Variants in FCER1A observed in about 807,000 individuals in gnomAD.
FCER1A encodes the protein Fc epsilon receptor Ia, also known as high affinity immunoglobulin epsilon receptor subunit alpha.
Under a neutral mutation model 23.6 loss-of-function variants are expected in FCER1A, and 24 were observed. The observed-to-expected ratio is 1.02, with a 90% CI of 0.74 to 1.43. The LOEUF (loss-of-function observed/expected upper bound fraction) is 1.43. Among genes scored for constraint, FCER1A ranks in the 40% most tolerant of loss-of-function variants. The probability of loss-of-function intolerance (pLI) is 0.00; values close to 1 mark genes in which losing one functional copy is unlikely to be tolerated. For synonymous variants in FCER1A, 121 were observed against 108.8 expected, an observed-to-expected ratio of 1.11 and a Z score of -0.70; for missense variants, 318 against 294.5, an observed-to-expected ratio of 1.08 and a Z score of -0.58.
intron 1 of FCER1A, among the ~76,000 whole-genome samples, chr1:159,295,682 C>T (rs1453204677): frequency 5.3e-5 from 8 of 152,086 alleles, no homozygotes; most frequent in Non-Finnish European, 1.0e-4. Context: ...TTGGAAGAGA[C>T]AAAGGAAAAA....
chr1:159,286,191 A>AAAATAAATAAAT (rs541712574), upstream of FCER1A, among the ~76,000 whole-genome samples: 1 of 151,280 alleles, frequency 6.6e-6, no homozygotes, highest in Admixed American at 6.6e-5. Flanking sequence ...CCCTGCCACC[A>AAAATAAATAAAT]AAATAAATAA....
intron 1 of FCER1A, among the ~76,000 whole-genome samples, chr1:159,295,531 C>G (rs1311293904): frequency 6.6e-6 from 1 of 152,106 alleles, no homozygotes; most frequent in African/African-American, 2.4e-5. Context: ...AAACACTATT[C>G]TACGGGAATG....
chr1:159,304,604 C>T (rs1298504708), intron 3 of FCER1A, among the ~76,000 whole-genome samples: 1 of 152,030 alleles, frequency 6.6e-6, no homozygotes, highest in Non-Finnish European at 1.5e-5. Context: ...AAGACTCCGT[C>T]TCAAAAAATA....
At position 159,306,241 on chromosome 1, in the gene FCER1A, A is replaced by C; in HGVS notation, c.585A>C (p.Ile195=). 2 of 1,612,912 alleles carry C rather than the reference A, an allele frequency of 1.2e-6. No individual in the cohort carries two copies. The highest frequency in any genetic ancestry group is 1.7e-6 in the Non-Finnish European group (2 of 1,179,314). ...YESEPLNITV[I]KAPREKYWLQ... is the part of the protein sequence containing the mutation. Reference sequence around the variant, plus strand: ...CTGAGCCCCTCAACATTACTGTAATAAAAGGTGAGTTGGTAAAGGAAAGGA... The same window carrying C: ...CTGAGCCCCTCAACATTACTGTAATCAAAGGTGAGTTGGTAAAGGAAAGGA... The change falls in exon 4 of 5, where the codon ATA becomes ATC. Residue 195 remains isoleucine, a synonymous_variant. Coordinates refer to ENST00000693622, the MANE Select transcript of FCER1A (RefSeq NM_001387280.1).
Position 159,307,772 on chromosome 1 carries a change from A to G in FCER1A, c.614A>G (p.Gln205Arg), listed in dbSNP as rs1407415173. The change falls in exon 5 of 5, where the codon CAA (glutamine) becomes CGA (arginine). Residue 205 changes from glutamine to arginine, a missense_variant. Physicochemically the swap from Gln to Arg is conservative, Grantham distance 43 (BLOSUM62 1). Coordinates refer to ENST00000693622, the MANE Select transcript of FCER1A (RefSeq NM_001387280.1). ...IKAPREKYWL[Q>R]FFIPLLVVIL... ...GCTCCGCGTGAGAAGTACTGGCTACAATTTTTTATCCCATTGTTGGTGGTG... is the reference window on the plus strand; with the variant it reads ...GCTCCGCGTGAGAAGTACTGGCTACGATTTTTTATCCCATTGTTGGTGGTG... 6.2e-7 allele frequency: 1 copy of G among 1,611,246 alleles called. No individual in the cohort carries two copies. The highest frequency in any genetic ancestry group is 1.7e-5 in the Admixed American group (1 of 59,998).
intron 1 of FCER1A, among the ~76,000 whole-genome samples, chr1:159,295,698 G>T (rs901992393): frequency 6.6e-6 from 1 of 152,166 alleles, no homozygotes; most frequent in African/African-American, 2.4e-5. Context: ...AAAAAGCTGT[G>T]ATGAATATCA....
chr1:159,302,867 GT>G lies in FCER1A; in HGVS notation c.71del (p.Leu24Ter). 1 of 1,613,878 alleles carries G rather than the reference GT, an allele frequency of 6.2e-7. No individual in the cohort carries two copies. The highest frequency in any genetic ancestry group is 1.1e-5 in the South Asian group (1 of 91,068). ...GGACTTTTGCAGCTCCAGATGGCGT[GT>G]TAGCAGGTGAGTCCTCTGTTCTTGT... The part of the protein sequence containing the change: ...ALLFFAPDGV[L>X]AVPQKPKVSL... On this transcript the variant is annotated frameshift_variant, in exon 2 of 5. Transcript: ENST00000693622. LOFTEE classifies it high-confidence loss of function.
intron 1 of FCER1A, among the ~76,000 whole-genome samples, chr1:159,294,518 T>C (rs1652245695): frequency 6.6e-6 from 1 of 152,192 alleles, no homozygotes; most frequent in Non-Finnish European, 1.5e-5. Flanking sequence ...TGGAGCAACA[T>C]TATTTACTTT....
At chr1:159,307,458 A>G (rs1185067241) in intron 4 of FCER1A, among the ~76,000 whole-genome samples, 1 of 152,068 alleles carries the variant, frequency 6.6e-6, no homozygotes, top group Non-Finnish European at 1.5e-5. Context: ...TGGTCTTGTC[A>G]TTTCGAATAA....
chr1:159,305,913 G>A (rs1018027777), intron 3 of FCER1A, 75 bp from the exon 4 acceptor site: 51 of 1,329,662 alleles, frequency 3.8e-5, no homozygotes, highest in East Asian at 1.2e-4. Context: ...TGCTCTATGC[G>A]TGGCTCTCTT....
upstream of FCER1A, among the ~76,000 whole-genome samples, chr1:159,301,827 A>C (rs1652437862): frequency 6.6e-6 from 1 of 152,248 alleles, no homozygotes; most frequent in South Asian, 2.1e-4. Context: ...CAAATTAGTT[A>C]TTTAATAGTT....
intron 2 of FCER1A, among the ~76,000 whole-genome samples, chr1:159,303,251 G>C (rs2427828): frequency 6.6e-6 from 1 of 151,926 alleles, no homozygotes; most frequent in Non-Finnish European, 1.5e-5. Context: ...GGATTTCAAC[G>C]TAAGTTCCTT....
chr1:159,294,523 T>C (rs138146420), intron 1 of FCER1A, among the ~76,000 whole-genome samples: 1 of 152,202 alleles, frequency 6.6e-6, no homozygotes, highest in Non-Finnish European at 1.5e-5. Flanking sequence ...CAACATTATT[T>C]ACTTTTTACA....
At chr1:159,297,434 C>T (rs1327130541), upstream of FCER1A, among the ~76,000 whole-genome samples, 6 of 152,208 alleles carry the variant, frequency 3.9e-5, no homozygotes, top group African/African-American at 1.4e-4. Flanking sequence ...GCTCTCAAGT[C>T]TAACCAAAGG....
At chr1:159,297,079 C>T (rs1033110798) in intron 1 of FCER1A, among the ~76,000 whole-genome samples, 4 of 152,116 alleles carry the variant, frequency 2.6e-5, no homozygotes, top group African/African-American at 7.2e-5. Context: ...TTTCTCTTTC[C>T]GTTTTGAAAC....
At chr1:159,303,009 TC>T in intron 2 of FCER1A, 135 bp downstream of exon 2, 1 of 847,950 alleles carries the variant, frequency 1.2e-6, no homozygotes, top group South Asian at 1.4e-5. Flanking sequence ...ACTTTCCCTC[TC>T]CACCTTGCCT....
upstream of FCER1A, among the ~76,000 whole-genome samples, chr1:159,289,403 C>A (rs1652092035): frequency 6.6e-6 from 1 of 152,148 alleles, no homozygotes; most frequent in Admixed American, 6.5e-5. Flanking sequence ...AGATGTTGGG[C>A]CTGCAGAGGA....
Position 159,307,863 on chromosome 1 carries a change from G to A in FCER1A, c.705G>A (p.Lys235=), listed in dbSNP as rs748787041. 6.2e-7 allele frequency: 1 copy of A among 1,613,366 alleles called. No individual in the cohort carries two copies. Among genetic ancestry groups the A allele is most frequent in the Non-Finnish European group, 8.5e-7 (1 of 1,179,396 alleles). Residue 235 remains lysine (K), a synonymous_variant, in exon 5 of 5, where the codon AAG becomes AAA. Coordinates refer to ENST00000693622, the MANE Select transcript of FCER1A (RefSeq NM_001387280.1). ...AGCAGCAGGTCACATTTCTCTTGAAGATTAAGAGAACCAGGAAAGGCTTCA... is the reference window on the plus strand; with the variant it reads ...AGCAGCAGGTCACATTTCTCTTGAAAATTAAGAGAACCAGGAAAGGCTTCA... ...STQQQVTFLL[K]IKRTRKGFRL...
In FCER1A at chr1:159,306,004, GGCCTCTGCTGAGGTGGTGATGGAGGGCCA is replaced by G. The variant is rs763471705; in HGVS notation, c.352_380del (p.Ser118ProfsTer20). 1.8e-5 allele frequency: 29 copies of G among 1,613,752 alleles called. 1 individual carries two copies. In the South Asian group the frequency reaches 3.2e-4, roughly 18 times the overall value. ...GTTCTTCAGACTGGCTGCTCCTTCA[GGCCTCTGCTGAGGTGGTGATGGAGGGCCA>G]GCCCCTCTTCCTCAGGTGCCATGGT... On this transcript the variant is annotated frameshift_variant, in exon 4 of 5. Coordinates refer to ENST00000693622, the MANE Select transcript of FCER1A (RefSeq NM_001387280.1). LOFTEE classifies it high-confidence loss of function.
Sources: allele counts gnomAD v4.1 joint callset (sites outside exome capture counted in the v4.1 genomes callset), GRCh38; gene constraint gnomAD v4.1.1; transcripts MANE v1.5; gene names NCBI Gene and HGNC (gene_info 2026-07-23, HGNC 2026-07-21).